RBPMS: variants seen among roughly 807,000 people sequenced by gnomAD.
RBPMS encodes the protein RNA-binding protein with multiple splicing.
In RBPMS, 7 loss-of-function variants were observed where a neutral mutation model predicts 26.8. The ratio of observed to expected loss-of-function variants is 0.26; its 90% CI spans 0.15 to 0.49. The LOEUF (loss-of-function observed/expected upper bound fraction) is 0.49, where lower values mean the gene tolerates loss of function less well. Ranked by LOEUF, RBPMS falls within the 20% of genes least tolerant of loss-of-function variation. RBPMS has a pLI of 0.98. For synonymous variants in RBPMS, 96 were observed against 93.3 expected (o/e 1.03, Z -0.17); for missense variants, 186 against 250.0 (o/e 0.74, Z 1.73).
intron 4 of RBPMS, among the ~76,000 whole-genome samples, chr8:30,499,639 A>C (rs1820344199): frequency 6.6e-6 from 1 of 152,172 alleles, no homozygotes; most frequent in South Asian, 2.1e-4. Flanking sequence ...ATCGAGGGCT[A>C]CTCTACAAAA....
chr8:30,432,453 G>A (rs1812041663), intron 1 of RBPMS, among the ~76,000 whole-genome samples: 1 of 152,202 alleles, frequency 6.6e-6, no homozygotes, highest in Admixed American at 6.5e-5. Context: ...ACTTCTTTCT[G>A]TGTCCCTTGA....
intron 3 of RBPMS, among the ~76,000 whole-genome samples, chr8:30,478,970 T>C (rs1391031946): frequency 6.6e-6 from 1 of 152,226 alleles, no homozygotes; most frequent in East Asian, 1.9e-4. Flanking sequence ...ATGAAGAAAC[T>C]GAGGTACAGT....
chr8:30,565,163 A>G (rs1359923116), intron 7 of RBPMS: 1 of 152,242 alleles, frequency 6.6e-6, no homozygotes, highest in African/African-American at 2.4e-5. Flanking sequence ...CTAGGAAACT[A>G]GAATCATCTA....
chr8:30,457,009 T>A (rs1563336586), intron 1 of RBPMS, among the ~76,000 whole-genome samples: 1 of 152,244 alleles, frequency 6.6e-6, no homozygotes, highest in Non-Finnish European at 1.5e-5. Flanking sequence ...TATTTGGTCG[T>A]ACTAAAACAC....
At chr8:30,389,547 C>T (rs1807534251) in intron 1 of RBPMS, among the ~76,000 whole-genome samples, 1 of 152,182 alleles carries the variant, frequency 6.6e-6, no homozygotes, top group Admixed American at 6.5e-5. Context: ...AGGAGTGACA[C>T]TATCAAAATG....
rs1170152901 is a variant in RBPMS, at chr8:30,511,479, AAAAAAAAATATATATATATATATATAT to A, written c.397+7045_397+7071del. ...TCTTTAAAACAAAAAAAGAAAAAAA[AAAAAAAAATATATATATATATATATAT>A]ATATATATATATATATATATTTCTG... On this transcript the variant is annotated intron_variant, in intron 5 of 8. Transcript: ENST00000397323. 1.0e-4 allele frequency among the ~76,000 whole-genome samples: 9 copies of A among 87,094 alleles called. 1 individual carries two copies. The highest frequency in any genetic ancestry group is 1.4e-4 in the African/African-American group (3 of 20,776). The allele number at this position is 87,094 out of a possible 152,430, so 57.1% of individuals were successfully genotyped here.
intron 5 of RBPMS, chr8:30,537,534 A>G (rs1474589969): frequency 8.8e-6 from 4 of 454,652 alleles, no homozygotes; most frequent in East Asian, 1.4e-4. Flanking sequence ...TGAGAAAGAC[A>G]TAGAGAATAT....
intron 4 of RBPMS, among the ~76,000 whole-genome samples, chr8:30,491,823 G>A (rs1434225788): frequency 6.6e-6 from 1 of 152,112 alleles, no homozygotes; most frequent in Non-Finnish European, 1.5e-5. Flanking sequence ...CTCGTTAAAT[G>A]CATTCTCTTA....
chr8:30,439,929 C>T (rs1169423563), intron 1 of RBPMS, among the ~76,000 whole-genome samples: 1 of 152,056 alleles, frequency 6.6e-6, no homozygotes, highest in Non-Finnish European at 1.5e-5. Context: ...CCTGTAATCC[C>T]AGCACTTTGG....
intron 5 of RBPMS, among the ~76,000 whole-genome samples, chr8:30,515,201 G>T (rs1344804595): frequency 6.6e-6 from 1 of 151,496 alleles, no homozygotes; most frequent in Non-Finnish European, 1.5e-5. Flanking sequence ...CAAGCTCCTG[G>T]TGTCAAGCCA....
At chr8:30,516,005 C>A (rs1366472119) in intron 5 of RBPMS, among the ~76,000 whole-genome samples, 1 of 152,188 alleles carries the variant, frequency 6.6e-6, no homozygotes, top group Non-Finnish European at 1.5e-5. Flanking sequence ...CACAAAAGTT[C>A]TTTTAGGCTT....
At chr8:30,551,364 A>G (rs1826361315) in intron 6 of RBPMS, among the ~76,000 whole-genome samples, 1 of 152,148 alleles carries the variant, frequency 6.6e-6, no homozygotes, top group Admixed American at 6.5e-5. Context: ...TCGGTCCCCT[A>G]GTGTATGGCT....
intron 1 of RBPMS, among the ~76,000 whole-genome samples, chr8:30,437,741 A>G (rs192317313): frequency 2.0e-5 from 3 of 151,154 alleles, no homozygotes; most frequent in Non-Finnish European, 1.5e-5. Context: ...CAGTGAGCCC[A>G]GATCACGCCA....
chr8:30,509,689 C>T (rs910116029), intron 5 of RBPMS, among the ~76,000 whole-genome samples: 10 of 152,332 alleles, frequency 6.6e-5, no homozygotes, highest in South Asian at 6.2e-4. Flanking sequence ...CAGTTTCACG[C>T]CTGCTCTCCA....
At chr8:30,513,345 T>G (rs1411898385) in intron 5 of RBPMS, among the ~76,000 whole-genome samples, 1 of 151,918 alleles carries the variant, frequency 6.6e-6, no homozygotes, top group Admixed American at 6.6e-5. Flanking sequence ...AATCCAGCAC[T>G]TTGGGAGGCC....
chr8:30,549,419 C>A, intron 6 of RBPMS: 2 of 1,230,762 alleles, frequency 1.6e-6, no homozygotes, highest in South Asian at 1.2e-5. Context: ...TGGGGCTGTT[C>A]TGCCCAAGGC....
chr8:30,420,737 A>C (rs1220905394), intron 1 of RBPMS, among the ~76,000 whole-genome samples: 1 of 152,212 alleles, frequency 6.6e-6, no homozygotes, highest in Non-Finnish European at 1.5e-5. Flanking sequence ...CCTATTAGAC[A>C]TTTGCCGAAC....
intron 5 of RBPMS, 44 bp downstream of exon 5, chr8:30,504,480 A>G: frequency 6.3e-7 from 1 of 1,586,276 alleles, no homozygotes; most frequent in Non-Finnish European, 8.6e-7. Flanking sequence ...ATAACTAAGA[A>G]CTGTTCATGT....
At position 30,503,637 on chromosome 8, in the gene RBPMS, G is replaced by T. The variant is rs28734129; in HGVS notation, c.247-649G>T. On this transcript the variant is annotated intron_variant, in intron 4 of 8. Transcript: ENST00000397323. ...GATGCTTTGGAGCCCTCAGGCCCAT[G>T]TGTGTACATTCAGAACACTAAATGG... Among the ~76,000 whole-genome samples the T allele has an allele frequency of 8.3e-3, 1,255 of 152,080 alleles. 17 individuals are homozygous for T. Among genetic ancestry groups the T allele is most frequent in the African/African-American group, 0.029 (1,208 of 41,486 alleles).
Sources: allele counts gnomAD v4.1 joint callset (sites outside exome capture counted in the v4.1 genomes callset), GRCh38; gene constraint gnomAD v4.1.1; transcripts MANE v1.5; gene names NCBI Gene and HGNC (gene_info 2026-07-23, HGNC 2026-07-21).